The following MTM1 variants were observed in gnomAD, a reference collection of about 807,000 sequenced individuals.
The protein encoded by MTM1 is myotubularin 1.
A neutral mutation model predicts 52.1 loss-of-function variants in MTM1; 9 were observed. That is an observed-to-expected ratio of 0.17 (90% CI 0.10 to 0.30). The LOEUF (loss-of-function observed/expected upper bound fraction) is 0.30, where lower values mean the gene tolerates loss of function less well. Ranked by LOEUF, MTM1 falls within the 10% of genes least tolerant of loss-of-function variation. MTM1 has a pLI of 1.00. For synonymous variants in MTM1, 136 were observed against 163.8 expected (o/e 0.83, Z 1.29); for missense variants, 277 against 470.7 (o/e 0.59, Z 3.81).
chrX:150,647,220 T>TAG (rs1428769496), intron 9 of MTM1, among the ~76,000 whole-genome samples: 1 of 98,201 alleles, frequency 1.0e-5, no homozygotes, highest in Non-Finnish European at 2.0e-5. Flanking sequence ...TATATATATA[T>TAG]AGCAATATTT....
rs1289660285 is a variant in MTM1, at chrX:150,653,872, C to T, written c.1054-3949C>T. Among the ~76,000 whole-genome samples the T allele has an allele frequency of 2.7e-5, 3 of 112,242 alleles. No homozygotes were observed. In the Admixed American group the frequency reaches 2.8e-4, roughly 11 times the overall value. ...GCCTTCTTGGATGGCAGCTAGCCCT[C>T]ATTGAGCCTATGCTCAATGTGAGCA... On this transcript the variant is annotated intron_variant, in intron 10 of 14. Coordinates refer to ENST00000370396, the MANE Select transcript of MTM1 (RefSeq NM_000252.3).
At chrX:150,605,605 A>T (rs888412673) in intron 4 of MTM1, among the ~76,000 whole-genome samples, 9 of 112,547 alleles carry the variant, frequency 8.0e-5, no homozygotes, top group African/African-American at 2.9e-4. Flanking sequence ...TTAGTTGGTA[A>T]AAGTGCTTCT....
intron 5 of MTM1, 104 bp from the exon 6 acceptor site, chrX:150,618,934 T>C (rs1281087002): frequency 2.1e-5 from 13 of 621,652 alleles, no homozygotes; most frequent in Non-Finnish European, 2.7e-5. Context: ...TTAATTGCCC[T>C]TTTAGGTAAG....
intron 4 of MTM1, among the ~76,000 whole-genome samples, chrX:150,609,605 A>T (rs222363): frequency 0.013 from 1,495 of 111,322 alleles, 34 homozygotes; most frequent in African/African-American, 0.047. Flanking sequence ...TCAAACCAAG[A>T]GTTTCTAAAA....
At chrX:150,587,387 C>G (rs2038808683) in intron 1 of MTM1, among the ~76,000 whole-genome samples, 1 of 111,943 alleles carries the variant, frequency 8.9e-6, no homozygotes, top group Non-Finnish European at 1.9e-5. Flanking sequence ...TGCTACAACG[C>G]AGTACTGAGT....
intron 10 of MTM1, among the ~76,000 whole-genome samples, chrX:150,651,489 T>G (rs1233180408): frequency 3.2e-4 from 35 of 108,256 alleles, no homozygotes; most frequent in Admixed American, 3.1e-3. Context: ...TAGGTTGTTT[T>G]TTTTTTTTTT....
At chrX:150,661,272 C>T (rs1421919605) in intron 13 of MTM1, among the ~76,000 whole-genome samples, 1 of 111,295 alleles carries the variant, frequency 9.0e-6, no homozygotes, top group African/African-American at 3.3e-5. Context: ...GATCCACCCG[C>T]CTCACCCTCC....
Position 150,653,440 on chromosome X carries a change from C to G in MTM1, c.1053+3539C>G, listed in dbSNP as rs782391651. Among the ~76,000 whole-genome samples the G allele has an allele frequency of 1.2e-4, 13 of 112,151 alleles. No individual in the cohort carries two copies. The South Asian group carries it at 4.9e-3, about 42-fold the overall frequency. On this transcript the variant is annotated intron_variant, in intron 10 of 14. Transcript: ENST00000370396. ...ACCTGGATAATCCGGAATAATCTGT[C>G]TTCTCAAAATCACTAAGTTGATCAC...
At chrX:150,569,717 G>A (rs1436938313) in intron 1 of MTM1, among the ~76,000 whole-genome samples, 4 of 111,792 alleles carry the variant, frequency 3.6e-5, no homozygotes, top group African/African-American at 1.3e-4. Flanking sequence ...TGTGAAATAA[G>A]CACCTTAGAG....
intron 8 of MTM1, among the ~76,000 whole-genome samples, chrX:150,641,628 C>T (rs1000773581): frequency 1.8e-5 from 2 of 111,363 alleles, no homozygotes; most frequent in East Asian, 2.8e-4. Context: ...CAAGAATGAA[C>T]GCAAGTAAAG....
At chrX:150,656,576 A>G (rs1463972507) in intron 10 of MTM1, among the ~76,000 whole-genome samples, 2 of 112,180 alleles carry the variant, frequency 1.8e-5, no homozygotes, top group Non-Finnish European at 3.8e-5. Flanking sequence ...CATCCATGAA[A>G]ATAAGTTTGA....
intron 1 of MTM1, among the ~76,000 whole-genome samples, chrX:150,581,286 A>G (rs1310482692): frequency 8.9e-6 from 1 of 111,833 alleles, no homozygotes; most frequent in Non-Finnish European, 1.9e-5. Flanking sequence ...CAGTGGCCAC[A>G]TTGCTGGAAT....
At chrX:150,661,736 C>T (rs1362384760) in intron 13 of MTM1, among the ~76,000 whole-genome samples, 3 of 111,326 alleles carry the variant, frequency 2.7e-5, no homozygotes, top group African/African-American at 9.8e-5. Flanking sequence ...AAAACTTGAA[C>T]CTATAGTAAC....
intron 4 of MTM1, among the ~76,000 whole-genome samples, chrX:150,608,186 G>A (rs985504944): frequency 9.0e-6 from 1 of 111,026 alleles, no homozygotes; most frequent in East Asian, 2.8e-4. Flanking sequence ...TGCCCACCCT[G>A]TTCAGGATTT....
intron 6 of MTM1, among the ~76,000 whole-genome samples, chrX:150,627,134 C>G (rs1189353898): frequency 9.0e-6 from 1 of 111,583 alleles, no homozygotes; most frequent in African/African-American, 3.3e-5. Flanking sequence ...TAACTCATTG[C>G]AATCAGTCGT....
chrX:150,594,974 G>A (rs1350976811), intron 2 of MTM1, among the ~76,000 whole-genome samples: 1 of 110,770 alleles, frequency 9.0e-6, no homozygotes, highest in Non-Finnish European at 1.9e-5. Flanking sequence ...TGCCCAGCTG[G>A]TTAAAATGTT....
chrX:150,591,376 C>T (rs2038882671), intron 1 of MTM1, among the ~76,000 whole-genome samples: 1 of 112,215 alleles, frequency 8.9e-6, no homozygotes, highest in African/African-American at 3.2e-5. Context: ...CGCCAGGATA[C>T]AGCCACGAAC....
chrX:150,608,479 A>G lies in MTM1; in HGVS notation c.232-6110A>G, dbSNP rs994389086. On this transcript the variant is annotated intron_variant, in intron 4 of 14. Transcript: ENST00000370396. ...AGCGATCCGCCTGCCTCCGCCTCCC[A>G]AAGTGCTGGGATTGCAGGCATAAGC... Among the ~76,000 whole-genome samples, 9 of 111,878 alleles carry G rather than the reference A, an allele frequency of 8.0e-5. No homozygotes were observed. The South Asian group carries it at 3.4e-3, about 42-fold the overall frequency.
intron 1 of MTM1, among the ~76,000 whole-genome samples, chrX:150,591,503 C>CT (rs1178584158): frequency 8.9e-6 from 1 of 112,815 alleles, no homozygotes; most frequent in African/African-American, 3.2e-5. Context: ...ATCCTGGTGG[C>CT]TGTCTTTTTC....
Sources: gnomAD v4.1 joint callset for allele counts (sites outside exome capture counted in the v4.1 genomes callset) on GRCh38, gnomAD v4.1.1 for gene constraint, MANE v1.5 for transcripts, NCBI Gene and HGNC (gene_info 2026-07-23, HGNC 2026-07-21) for gene names.